The following GNRH1 variants were observed in gnomAD, a reference collection of about 807,000 sequenced individuals.
GNRH1 encodes the protein progonadoliberin-1.
A neutral mutation model predicts 13.6 loss-of-function variants in GNRH1; 9 were observed. That is an observed-to-expected ratio of 0.66 (90% CI 0.40 to 1.15). The LOEUF (loss-of-function observed/expected upper bound fraction) is 1.15, where lower values mean the gene tolerates loss of function less well. Among genes scored for constraint, GNRH1 ranks in the 50% most tolerant of loss-of-function variants. The pLI, the probability that GNRH1 is intolerant of heterozygous loss-of-function variation, is 0.01. For missense variants in GNRH1, 116 were observed against 110.8 expected, an observed-to-expected ratio of 1.05 and a Z score of -0.21; for synonymous variants, 44 against 40.1, an observed-to-expected ratio of 1.10 and a Z score of -0.37.
At chr8:25,421,425 G>C (rs1801770238) in intron 3 of GNRH1, 148 bp downstream of exon 3, 2 of 555,048 alleles carry the variant, frequency 3.6e-6, no homozygotes, top group Non-Finnish European at 6.5e-6. Context: ...GGATTGTCAT[G>C]AAACACGGTC....
At chr8:25,423,481 C>CA in intron 1 of GNRH1, 150 bp from the exon 2 acceptor site, 1 of 692,700 alleles carries the variant, frequency 1.4e-6, no homozygotes, top group Admixed American at 2.4e-5. Flanking sequence ...CACTGAAACT[C>CA]AGAGACACTT....
intron 3 of GNRH1, among the ~76,000 whole-genome samples, 165 bp from the exon 4 acceptor site, chr8:25,419,625 G>T (rs1233799956): frequency 9.8e-5 from 14 of 142,176 alleles, no homozygotes; most frequent in East Asian, 4.1e-4. Context: ...TGTTTTTCTG[G>T]TTTTTTTTTT....
At chr8:25,424,835 G>A (rs1280972564), upstream of GNRH1, among the ~76,000 whole-genome samples, 1 of 152,202 alleles carries the variant, frequency 6.6e-6, no homozygotes, top group Non-Finnish European at 1.5e-5. Context: ...TTGTGTGTTT[G>A]AAAATTCCCT....
Position 25,419,602 on chromosome 8 carries a change from G to T in GNRH1, c.238-142C>A, listed in dbSNP as rs1233039973. On this transcript the variant is annotated intron_variant, in intron 3 of 3. Transcript: ENST00000421054. ...GCTCTAGTTAGTGCTAGGGAGACAT[G>T]ATAAATTGGGTTTGTTTTTCTGGTT... The T allele has an allele frequency of 1.3e-5, 8 of 621,388 alleles. No homozygotes were observed. In the African/African-American group the frequency reaches 1.5e-4, roughly 12 times the overall value. 38.5% of individuals were successfully genotyped at this position (621,388 alleles called of 1,614,324 possible). A position where few individuals can be genotyped will look rare whatever the true frequency, so the allele number is the denominator to read the frequency against.
At chr8:25,422,007 A>C (rs1801780860) in intron 2 of GNRH1, among the ~76,000 whole-genome samples, 1 of 152,164 alleles carries the variant, frequency 6.6e-6, no homozygotes, top group African/African-American at 2.4e-5. Flanking sequence ...GTTGTAAAAA[A>C]AGGTTGGTTT....
At chr8:25,421,423 A>G in intron 3 of GNRH1, 150 bp downstream of exon 3, 1 of 556,076 alleles carries the variant, frequency 1.8e-6, no homozygotes, top group Non-Finnish European at 3.3e-6. Flanking sequence ...TGGGATTGTC[A>G]TGAAACACGG....
upstream of GNRH1, chr8:25,424,764 A>G (rs1166675367): frequency 6.6e-6 from 1 of 152,212 alleles, no homozygotes; most frequent in Non-Finnish European, 1.5e-5. Flanking sequence ...AATTTTAAAA[A>G]TCTGATTTAC....
upstream of GNRH1, chr8:25,424,410 G>T (rs545188105): frequency 1.9e-4 from 28 of 150,566 alleles, no homozygotes; most frequent in Non-Finnish European, 1.3e-4. Flanking sequence ...CCCTTTAATG[G>T]TGTATGTAAT....
intron 3 of GNRH1, 93 bp downstream of exon 3, chr8:25,421,480 G>GT: frequency 1.4e-6 from 1 of 693,530 alleles, no homozygotes; most frequent in South Asian, 1.6e-5. Context: ...AAGCCCCACA[G>GT]TATCTGGGAG....
upstream of GNRH1, chr8:25,424,511 A>T (rs1056119146): frequency 3.3e-5 from 5 of 152,214 alleles, no homozygotes; most frequent in African/African-American, 9.6e-5. Flanking sequence ...CACAATTCAA[A>T]GAGATTAAAA....
Position 25,422,597 on chromosome 8 carries a change from G to A in GNRH1, c.141+593C>T, listed in dbSNP as rs545698368. Among the ~76,000 whole-genome samples the A allele has an allele frequency of 2.0e-5, 3 of 152,150 alleles. No homozygotes were observed. The South Asian group carries it at 6.2e-4, about 32-fold the overall frequency. ...AAGCAAGTACCTCACGTTAGTGTTG[G>A]TGCCAGTCCTATAATCTAATCTATA... On this transcript the variant is annotated intron_variant, in intron 2 of 3. Transcript: ENST00000421054.
At chr8:25,420,306 C>G (rs368262991) in intron 3 of GNRH1, among the ~76,000 whole-genome samples, 18 of 151,844 alleles carry the variant, frequency 1.2e-4, no homozygotes, top group African/African-American at 3.9e-4. Flanking sequence ...CTCAGCTACT[C>G]GGGAGGCTGA....
chr8:25,424,159 A>C (rs1403580835), intron 1 of GNRH1, 42 bp downstream of exon 1: 3 of 152,212 alleles, frequency 2.0e-5, no homozygotes, highest in African/African-American at 4.8e-5. Context: ...ATGCAATCTA[A>C]AGAAGAAAAA....
At chr8:25,424,709 G>A (rs536982364), upstream of GNRH1, 2 of 152,324 alleles carry the variant, frequency 1.3e-5, no homozygotes, top group East Asian at 3.9e-4. Flanking sequence ...TTTGTAAAAG[G>A]AAGGGTGTAG....
chr8:25,424,063 G>C (rs573738491), intron 1 of GNRH1, 138 bp downstream of exon 1: 1 of 152,692 alleles, frequency 6.5e-6, no homozygotes, highest in South Asian at 2.1e-4. Flanking sequence ...TGATGGCAAG[G>C]ACAGTGAAGG....
At chr8:25,422,434 G>C (rs1284972634) in intron 2 of GNRH1, among the ~76,000 whole-genome samples, 2 of 152,146 alleles carry the variant, frequency 1.3e-5, no homozygotes, top group Non-Finnish European at 2.9e-5. Context: ...TGTGGTCCCA[G>C]CTATGCAGAC....
At chr8:25,423,914 C>T (rs555503339) in intron 1 of GNRH1, 1 of 152,516 alleles carries the variant, frequency 6.6e-6, no homozygotes, top group South Asian at 2.1e-4. Context: ...AGATGCCTTC[C>T]TAGCCAAGGG....
chr8:25,421,136 T>A (rs1015505909), intron 3 of GNRH1, among the ~76,000 whole-genome samples: 2 of 152,150 alleles, frequency 1.3e-5, no homozygotes, highest in African/African-American at 4.8e-5. Flanking sequence ...CTCATGTCTC[T>A]ATTCCCCAAG....
intron 2 of GNRH1, among the ~76,000 whole-genome samples, chr8:25,422,792 G>T (rs2117369279): frequency 6.6e-6 from 1 of 152,074 alleles, no homozygotes; most frequent in South Asian, 2.1e-4. Flanking sequence ...AAAATGTACT[G>T]ATCTAATAGC....
Sources: gnomAD v4.1 joint callset for allele counts (sites outside exome capture counted in the v4.1 genomes callset) on GRCh38, gnomAD v4.1.1 for gene constraint, MANE v1.5 for transcripts, NCBI Gene and HGNC (gene_info 2026-07-23, HGNC 2026-07-21) for gene names.